Variants in DMD observed in about 807,000 individuals in gnomAD.
The protein encoded by DMD is dystrophin.
A neutral mutation model predicts 330.1 loss-of-function variants in DMD; 63 were observed. That is an observed-to-expected ratio of 0.19 (90% CI 0.16 to 0.24). The LOEUF is 0.24. Among genes scored for constraint, DMD ranks in the 10% least tolerant of loss-of-function variants. The pLI is 1.00. For synonymous variants in DMD, 1,223 were observed against 959.8 expected, an observed-to-expected ratio of 1.27 and a Z score of -5.07; for missense variants, 3,344 against 2,684.1, an observed-to-expected ratio of 1.25 and a Z score of -5.43.
intron 55 of DMD, 120 bp from the exon 56 acceptor site, chrX:31,507,573 C>A (rs2071079063): frequency 2.8e-6 from 2 of 706,173 alleles, no homozygotes; most frequent in Admixed American, 5.7e-5. Context: ...ACATTTCAAT[C>A]AGGCTAAACT....
chrX:33,082,499 T>C (rs1360416170), intron 1 of DMD, among the ~76,000 whole-genome samples: 1 of 111,382 alleles, frequency 9.0e-6, no homozygotes, highest in Non-Finnish European at 1.9e-5. Flanking sequence ...AAAGGAATCA[T>C]TCCAGAAGCC....
intron 25 of DMD, among the ~76,000 whole-genome samples, chrX:32,455,798 C>T (rs1227415884): frequency 9.0e-6 from 1 of 111,099 alleles, no homozygotes; most frequent in Non-Finnish European, 1.9e-5. Context: ...TAAAGTTTTA[C>T]GTGTAAAATG....
Position 31,774,155 on chromosome X carries a change from C to G in DMD, c.7347G>C (p.Val2449=). Residue 2449 remains valine (V), a synonymous_variant, in exon 51 of 79, where the codon GTG becomes GTC. Coordinates refer to ENST00000357033, the MANE Select transcript of DMD (RefSeq NM_004006.3). ...TGGAGATGGCAGTTTCCTTAGTAAC[C>G]ACAGGTTGTGTCACCAGAGTAACAG... ...TQTVTLVTQP[V]VTKETAISKL... is the part of the protein sequence containing the mutation. The G allele has an allele frequency of 8.3e-7, 1 of 1,210,232 alleles. No individual in the cohort carries two copies.
chrX:32,485,846 C>A (rs138274044), intron 20 of DMD, among the ~76,000 whole-genome samples: 3 of 101,628 alleles, frequency 3.0e-5, no homozygotes, highest in East Asian at 3.2e-4. Context: ...CAGGTTCAAG[C>A]GATTCTTCTG....
At chrX:32,879,618 A>C (rs973381169) in intron 2 of DMD, among the ~76,000 whole-genome samples, 1 of 112,219 alleles carries the variant, frequency 8.9e-6, no homozygotes, top group Non-Finnish European at 1.9e-5. Context: ...TATATGTGTC[A>C]CATATTTTTA....
intron 44 of DMD, among the ~76,000 whole-genome samples, chrX:32,071,428 T>C (rs933047140): frequency 2.9e-5 from 3 of 102,362 alleles, no homozygotes; most frequent in African/African-American, 1.1e-4. Context: ...AAACACCGCA[T>C]GTTCTCGCTC....
intron 54 of DMD, among the ~76,000 whole-genome samples, chrX:31,628,942 A>ATATATATATATATAT (rs1556765554): frequency 2.9e-5 from 3 of 104,100 alleles, no homozygotes; most frequent in Non-Finnish European, 3.9e-5. Flanking sequence ...ATATATATAT[A>ATATATATATATATAT]AAATGCATGT....
chrX:32,063,928 T>C (rs1387897536), intron 44 of DMD, among the ~76,000 whole-genome samples: 1 of 111,397 alleles, frequency 9.0e-6, no homozygotes, highest in African/African-American at 3.2e-5. Flanking sequence ...ATTATATTCT[T>C]GAGTTTACAT....
chrX:31,348,424 A>G (rs2058218235), intron 61 of DMD, 132 bp downstream of exon 61: 1 of 622,378 alleles, frequency 1.6e-6, no homozygotes, highest in Admixed American at 2.7e-5. Flanking sequence ...ATATTTCAGG[A>G]TGATTTATGC....
At chrX:33,307,080 G>C (rs2053774197) in intron 1 of DMD, among the ~76,000 whole-genome samples, 2 of 111,482 alleles carry the variant, frequency 1.8e-5, no homozygotes, top group South Asian at 7.6e-4. Context: ...GGAGCAGAGA[G>C]AGTCCAGATG....
intron 44 of DMD, among the ~76,000 whole-genome samples, chrX:31,977,787 C>CAA (rs759262885): frequency 1.8e-4 from 11 of 60,312 alleles, no homozygotes; most frequent in East Asian, 1.6e-3. Context: ...CTCTGCAAAT[C>CAA]AAAAAAAAAA....
intron 19 of DMD, among the ~76,000 whole-genome samples, chrX:32,499,383 A>G (rs1255986531): frequency 9.0e-6 from 1 of 111,609 alleles, no homozygotes; most frequent in Non-Finnish European, 1.9e-5. Flanking sequence ...TCAAATTTAT[A>G]AATATATACG....
chrX:32,335,725 T>C (rs2097706691), intron 41 of DMD, among the ~76,000 whole-genome samples: 1 of 99,476 alleles, frequency 1.0e-5, no homozygotes, highest in South Asian at 3.8e-4. Flanking sequence ...ATATAACATG[T>C]ATATACGTAG....
intron 7 of DMD, among the ~76,000 whole-genome samples, chrX:32,709,197 A>T (rs1458161269): frequency 4.5e-5 from 5 of 111,917 alleles, no homozygotes; most frequent in African/African-American, 1.6e-4. Context: ...GATGTCAAGT[A>T]ATTTCCAATG....
intron 76 of DMD, among the ~76,000 whole-genome samples, chrX:31,140,133 C>G (rs1412630687): frequency 8.9e-6 from 1 of 112,390 alleles, no homozygotes; most frequent in African/African-American, 3.2e-5. Flanking sequence ...TGAAATATAA[C>G]GATGGTTTCA....
intron 1 of DMD, among the ~76,000 whole-genome samples, chrX:33,300,774 T>G (rs146070693): frequency 0.017 from 1,848 of 111,537 alleles, 12 homozygotes; most frequent in South Asian, 0.075. Context: ...GTATTTTTGT[T>G]ACACCAGTCT....
Position 32,882,324 on chromosome X carries a change from C to CTT in DMD, c.94-32506_94-32505dup, listed in dbSNP as rs1172595387. On this transcript the variant is annotated intron_variant, in intron 2 of 78. Coordinates refer to ENST00000357033, the MANE Select transcript of DMD (RefSeq NM_004006.3). ...TAGCTACTTTGTGCACTTGCTACCT[C>CTT]TTCTCTTTGTCAATTTTTCAATACC... Among the ~76,000 whole-genome samples the CTT allele has an allele frequency of 2.7e-5, 3 of 111,952 alleles. No homozygotes were observed. In the Admixed American group the frequency reaches 2.8e-4, roughly 11 times the overall value.
intron 44 of DMD, among the ~76,000 whole-genome samples, chrX:31,997,930 C>G (rs972790369): frequency 2.7e-5 from 3 of 111,613 alleles, no homozygotes; most frequent in African/African-American, 9.8e-5. Context: ...GAGTATCTTT[C>G]TCCAAAGAGC....
chrX:31,397,507 G>A (rs774034753), intron 60 of DMD, among the ~76,000 whole-genome samples: 22 of 112,185 alleles, frequency 2.0e-4, no homozygotes, highest in African/African-American at 4.8e-4. Flanking sequence ...TGGACTTTAC[G>A]GATGGTGCTC....
Sources: allele counts gnomAD v4.1 joint callset (sites outside exome capture counted in the v4.1 genomes callset), GRCh38; gene constraint gnomAD v4.1.1; transcripts MANE v1.5; gene names NCBI Gene and HGNC (gene_info 2026-07-23, HGNC 2026-07-21).